The following CNTN4 variants were observed in gnomAD, a reference collection of about 807,000 sequenced individuals.
The protein encoded by CNTN4 is contactin-4.
CNTN4 carries 77 observed loss-of-function variants against 122.5 expected under a neutral mutation model. The observed-to-expected ratio is 0.63, with a 90% CI of 0.52 to 0.76. The LOEUF is 0.76. CNTN4 is among the 30% of genes least tolerant of loss of function. The probability of loss-of-function intolerance (pLI) is 0.00; values close to 1 mark genes in which losing one functional copy is unlikely to be tolerated. For synonymous variants in CNTN4, 512 were observed against 447.0 expected, an observed-to-expected ratio of 1.15 and a Z score of -1.83; for missense variants, 1,256 against 1,259.1, an observed-to-expected ratio of 1.00 and a Z score of 0.04.
chr3:2,609,797 T>G (rs2081405873), intron 4 of CNTN4, among the ~76,000 whole-genome samples: 3 of 152,314 alleles, frequency 2.0e-5, no homozygotes, highest in Admixed American at 2.0e-4. Flanking sequence ...AAATTCCATT[T>G]TATAATTTTC....
chr3:2,532,985 T>A (rs71311704), intron 3 of CNTN4, among the ~76,000 whole-genome samples: 16,219 of 152,140 alleles, frequency 0.11, 1,080 homozygotes, highest in Non-Finnish European at 0.16. Flanking sequence ...CCATCCTTGA[T>A]CATTGGTTTG....
chr3:2,553,468 C>G (rs762861354), intron 3 of CNTN4, among the ~76,000 whole-genome samples: 1 of 152,166 alleles, frequency 6.6e-6, no homozygotes, highest in African/African-American at 2.4e-5. Flanking sequence ...ATTTAAAACT[C>G]TAGTCAAAGG....
chr3:2,320,421 C>G (rs2043239848), intron 2 of CNTN4, among the ~76,000 whole-genome samples: 1 of 151,988 alleles, frequency 6.6e-6, no homozygotes, highest in African/African-American at 2.4e-5. Flanking sequence ...TTATTTAAAC[C>G]TGGCCTTAAT....
At chr3:2,394,549 G>A (rs749594590) in intron 3 of CNTN4, among the ~76,000 whole-genome samples, 12 of 152,122 alleles carry the variant, frequency 7.9e-5, no homozygotes, top group Non-Finnish European at 1.3e-4. Context: ...TGAAATGGCT[G>A]ATATGAAAGA....
intron 4 of CNTN4, among the ~76,000 whole-genome samples, chr3:2,592,996 G>C (rs578121636): frequency 2.6e-5 from 4 of 152,148 alleles, no homozygotes; most frequent in Non-Finnish European, 5.9e-5. Context: ...GTCTGAATTT[G>C]AATTGGATAT....
chr3:2,578,457 T>C (rs1198895722), intron 4 of CNTN4, among the ~76,000 whole-genome samples: 1 of 152,214 alleles, frequency 6.6e-6, no homozygotes, highest in Non-Finnish European at 1.5e-5. Flanking sequence ...TTTCAAGGCT[T>C]GACCTCACTG....
chr3:2,355,073 C>G (rs768898092), intron 3 of CNTN4, among the ~76,000 whole-genome samples: 2 of 152,186 alleles, frequency 1.3e-5, no homozygotes, highest in Non-Finnish European at 2.9e-5. Context: ...GTTGCCAGAA[C>G]TGCTGTGAAT....
At chr3:2,501,302 A>G (rs900007284) in intron 3 of CNTN4, among the ~76,000 whole-genome samples, 1 of 152,224 alleles carries the variant, frequency 6.6e-6, no homozygotes, top group African/African-American at 2.4e-5. Flanking sequence ...TTTGGGCTTT[A>G]TATCTGTTCA....
intron 13 of CNTN4, among the ~76,000 whole-genome samples, chr3:2,978,858 GAGA>G (rs1329450111): frequency 6.6e-6 from 1 of 152,182 alleles, no homozygotes; most frequent in Admixed American, 6.5e-5. Context: ...TGCTTAAGCT[GAGA>G]AGTAGTCTTA....
At chr3:2,843,550 G>A (rs1456918243) in intron 7 of CNTN4, among the ~76,000 whole-genome samples, 1 of 152,182 alleles carries the variant, frequency 6.6e-6, no homozygotes, top group Admixed American at 6.5e-5. Context: ...GGGGCCTGGT[G>A]GGAGGTGATT....
At chr3:3,020,730 G>A (rs1698217583) in intron 14 of CNTN4, among the ~76,000 whole-genome samples, 1 of 152,190 alleles carries the variant, frequency 6.6e-6, no homozygotes, top group Non-Finnish European at 1.5e-5. Context: ...TTTCTACTTT[G>A]GGGCAATGCA....
At chr3:2,578,344 C>T (rs1343122994) in intron 4 of CNTN4, among the ~76,000 whole-genome samples, 2 of 152,116 alleles carry the variant, frequency 1.3e-5, no homozygotes, top group African/African-American at 2.4e-5. Context: ...ACTCCATGAG[C>T]ACCATTTTTC....
intron 4 of CNTN4, among the ~76,000 whole-genome samples, chr3:2,577,350 A>G (rs565644175): frequency 3.2e-4 from 48 of 152,322 alleles, no homozygotes; most frequent in Non-Finnish European, 5.6e-4. Context: ...ATAGATCTAT[A>G]TATGTATGTG....
At chr3:2,534,446 C>G (rs1335827854) in intron 3 of CNTN4, among the ~76,000 whole-genome samples, 4 of 152,132 alleles carry the variant, frequency 2.6e-5, no homozygotes, top group Non-Finnish European at 4.4e-5. Flanking sequence ...TTCCATTAGT[C>G]TATATCTTTC....
At chr3:2,732,411 T>C (rs1186470498) in intron 4 of CNTN4, among the ~76,000 whole-genome samples, 2 of 152,032 alleles carry the variant, frequency 1.3e-5, no homozygotes, top group Non-Finnish European at 2.9e-5. Context: ...TATTATTAAA[T>C]CTTGTCCTCT....
intron 2 of CNTN4, among the ~76,000 whole-genome samples, chr3:2,129,298 G>T (rs528478580): frequency 1.3e-5 from 2 of 148,216 alleles, no homozygotes. Context: ...CACATCATGT[G>T]CAGAGACTTC....
rs550593526 is a variant in CNTN4 at position 3,005,934 on chromosome 3, G to A, written c.1486+17462G>A. Among the ~76,000 whole-genome samples, 143 of 147,520 alleles carry A rather than the reference G, an allele frequency of 9.7e-4. 1 individual carries two copies. The highest frequency in any genetic ancestry group is 7.0e-3 in the Middle Eastern group (2 of 286). ...GGATTCTCACTGTGTCGCCCAGGCTGGAGTGCAGTGGCACGATCTCGGCTC... is the reference window on the plus strand; with the variant it reads ...GGATTCTCACTGTGTCGCCCAGGCTAGAGTGCAGTGGCACGATCTCGGCTC... On this transcript the variant is annotated intron_variant, in intron 14 of 24. Coordinates refer to ENST00000418658, the MANE Select transcript of CNTN4 (RefSeq NM_175607.3).
chr3:2,421,315 T>G (rs12715052), intron 3 of CNTN4, among the ~76,000 whole-genome samples: 137,751 of 149,576 alleles, frequency 0.92, 63,450 homozygotes, highest in East Asian at 0.98. Flanking sequence ...TGCAGTGGCG[T>G]GATCTCAGCT....
intron 3 of CNTN4, among the ~76,000 whole-genome samples, chr3:2,478,404 G>GT (rs1281282556): frequency 0.015 from 243 of 16,130 alleles, 1 homozygote; most frequent in African/African-American, 0.026. Flanking sequence ...TTCTTTATCT[G>GT]TTTGTTTTTT....
Sources: allele counts gnomAD v4.1 joint callset (sites outside exome capture counted in the v4.1 genomes callset), GRCh38; gene constraint gnomAD v4.1.1; transcripts MANE v1.5; gene names NCBI Gene and HGNC (gene_info 2026-07-23, HGNC 2026-07-21).